The following PTPRM variants were observed in gnomAD, a reference collection of about 807,000 sequenced individuals.
The protein encoded by PTPRM is receptor-type tyrosine-protein phosphatase mu.
PTPRM carries 47 observed loss-of-function variants against 186.7 expected under a neutral mutation model. That is an observed-to-expected ratio of 0.25 (90% CI 0.20 to 0.32). The LOEUF (loss-of-function observed/expected upper bound fraction) is 0.32, where lower values mean the gene tolerates loss of function less well. Among genes scored for constraint, PTPRM ranks in the 10% least tolerant of loss-of-function variants. PTPRM has a pLI of 1.00. For missense variants in PTPRM, 1,494 were observed against 1,865.0 expected, an observed-to-expected ratio of 0.80 and a Z score of 3.66; for synonymous variants, 668 against 674.9, an observed-to-expected ratio of 0.99 and a Z score of 0.16.
intron 7 of PTPRM, among the ~76,000 whole-genome samples, chr18:8,055,736 G>C (rs114713216): frequency 0.022 from 3,343 of 152,180 alleles, 53 homozygotes; most frequent in African/African-American, 0.047. Flanking sequence ...GAAAGTAGGA[G>C]GCCTATATTT....
chr18:7,817,863 G>C (rs1197685161), intron 2 of PTPRM, among the ~76,000 whole-genome samples: 1 of 152,192 alleles, frequency 6.6e-6, no homozygotes, highest in Non-Finnish European at 1.5e-5. Context: ...TCCGCTTGGA[G>C]TAAGACTCCC....
rs535333343 is a variant in PTPRM, at chr18:8,287,086, G to A, written c.2755-9282G>A. On this transcript the variant is annotated intron_variant, in intron 19 of 32. Coordinates refer to ENST00000580170, the MANE Select transcript of PTPRM (RefSeq NM_001105244.2). ...AGCTCTCCAAGAAATACCAGGAAGG[G>A]ATGTTTGCTTTAAAAAAAAAAGAGA... Among the ~76,000 whole-genome samples the A allele has an allele frequency of 4.0e-5, 6 of 151,846 alleles. No homozygotes were observed. The South Asian group carries it at 1.0e-3, about 26-fold the overall frequency.
At chr18:7,952,494 T>C (rs188300033) in intron 6 of PTPRM, among the ~76,000 whole-genome samples, 3,266 of 151,306 alleles carry the variant, frequency 0.022, 46 homozygotes, top group African/African-American at 0.045. Flanking sequence ...GTCAGGAGAT[T>C]GAGACCATCC....
At chr18:8,362,058 G>T (rs1398854630) in intron 23 of PTPRM, among the ~76,000 whole-genome samples, 1 of 152,144 alleles carries the variant, frequency 6.6e-6, no homozygotes, top group Admixed American at 6.5e-5. Context: ...CCTGATATGT[G>T]CCTGTTATCC....
rs144169529 is a variant in PTPRM, at chr18:8,021,237, G to A, written c.1133-48449G>A. Among the ~76,000 whole-genome samples, 1,251 of 151,868 alleles carry A rather than the reference G, an allele frequency of 8.2e-3. 7 individuals carry two copies. Among genetic ancestry groups the A allele is most frequent in the South Asian group, 0.033 (160 of 4,788 alleles). ...TGACATGGCGGCTTCAAACAGTCCT[G>A]CAGGTGCTGTGGTATATTACTTAAG... On this transcript the variant is annotated intron_variant, in intron 7 of 32. Transcript: ENST00000580170.
At chr18:8,392,470 C>CA (rs948362766) in intron 31 of PTPRM, among the ~76,000 whole-genome samples, 27 of 151,832 alleles carry the variant, frequency 1.8e-4, no homozygotes, top group Middle Eastern at 3.4e-3. Flanking sequence ...TAAAAAAATA[C>CA]AAAAAAATTA....
At chr18:7,723,177 G>A (rs917853795) in intron 1 of PTPRM, among the ~76,000 whole-genome samples, 2 of 136,028 alleles carry the variant, frequency 1.5e-5, no homozygotes, top group Admixed American at 7.4e-5. Flanking sequence ...GCTTTTTCTT[G>A]GTGAAAGTCT....
At chr18:7,960,741 T>G (rs2053623333) in intron 7 of PTPRM, among the ~76,000 whole-genome samples, 2 of 151,762 alleles carry the variant, frequency 1.3e-5, no homozygotes, top group African/African-American at 4.8e-5. Context: ...ATCGACAGAG[T>G]AAAACCCTGT....
chr18:7,847,888 C>T (rs1432279347), intron 2 of PTPRM, among the ~76,000 whole-genome samples: 2 of 152,102 alleles, frequency 1.3e-5, no homozygotes, highest in African/African-American at 4.8e-5. Context: ...AGAGAGGCCC[C>T]CTCAAGGGAG....
In PTPRM at chr18:7,953,791, C is replaced by A. The variant is rs149965094; in HGVS notation, c.839-1330C>A. On this transcript the variant is annotated intron_variant, in intron 6 of 32. Coordinates refer to ENST00000580170, the MANE Select transcript of PTPRM (RefSeq NM_001105244.2). ...CTCTGAGGTCCTCTGCAGCAGGGAA[C>A]ATGGCTGTGATCGATTAGCTATGTC... Among the ~76,000 whole-genome samples the A allele has an allele frequency of 2.3e-3, 346 of 152,274 alleles. 7 individuals carry two copies. The highest frequency in any genetic ancestry group is 0.019 in the Admixed American group (287 of 15,288).
chr18:7,901,900 C>T (rs1333510734), intron 3 of PTPRM, among the ~76,000 whole-genome samples: 2 of 152,134 alleles, frequency 1.3e-5, no homozygotes, highest in Admixed American at 6.5e-5. Context: ...GATGAAGCAG[C>T]TAATAAAACT....
chr18:7,666,977 A>C (rs1241480352), intron 1 of PTPRM, among the ~76,000 whole-genome samples: 1 of 152,194 alleles, frequency 6.6e-6, no homozygotes, highest in Non-Finnish European at 1.5e-5. Flanking sequence ...TCAGGTGCAC[A>C]GTAATTGTTT....
chr18:8,246,637 A>G (rs2094479204), intron 15 of PTPRM, among the ~76,000 whole-genome samples: 1 of 151,994 alleles, frequency 6.6e-6, no homozygotes, highest in South Asian at 2.1e-4. Context: ...ATTGGTACTC[A>G]TTTTTTTCAT....
At chr18:7,868,868 C>T (rs79687216) in intron 2 of PTPRM, among the ~76,000 whole-genome samples, 13,218 of 152,244 alleles carry the variant, frequency 0.087, 782 homozygotes, top group African/African-American at 0.18. Flanking sequence ...TGCCTGGGAC[C>T]GCTGCCTTTC....
chr18:8,159,067 A>G (rs77208637), intron 14 of PTPRM, among the ~76,000 whole-genome samples: 3,446 of 152,262 alleles, frequency 0.023, 137 homozygotes, highest in African/African-American at 0.079. Flanking sequence ...TTTCTTTTTA[A>G]CAGGGAAATG....
At chr18:7,944,663 C>G (rs2052399231) in intron 5 of PTPRM, among the ~76,000 whole-genome samples, 1 of 152,166 alleles carries the variant, frequency 6.6e-6, no homozygotes, top group South Asian at 2.1e-4. Flanking sequence ...CCTATACTTT[C>G]CCTATAGTTT....
At position 8,255,045 on chromosome 18, in the gene PTPRM, G is replaced by A. The variant is rs79893843; in HGVS notation, c.2754+1631G>A. Among the ~76,000 whole-genome samples the A allele has an allele frequency of 9.8e-5, 15 of 152,370 alleles. 1 individual carries two copies. In the South Asian group the frequency reaches 1.7e-3, roughly 17 times the overall value. On this transcript the variant is annotated intron_variant, in intron 19 of 32. Coordinates refer to ENST00000580170, the MANE Select transcript of PTPRM (RefSeq NM_001105244.2). ...TTAGATTTATCTTTAGCAATTCAAT[G>A]TGTAAATTCAGTGAAATTGACTGCC...
intron 7 of PTPRM, among the ~76,000 whole-genome samples, chr18:8,000,126 T>C (rs2083779831): frequency 6.6e-6 from 1 of 152,216 alleles, no homozygotes; most frequent in South Asian, 2.1e-4. Flanking sequence ...CAATCTGCTT[T>C]GCTCAGTAAC....
At chr18:7,991,832 G>C (rs887314187) in intron 7 of PTPRM, among the ~76,000 whole-genome samples, 1 of 152,094 alleles carries the variant, frequency 6.6e-6, no homozygotes, top group Non-Finnish European at 1.5e-5. Context: ...ATGTGAGTAG[G>C]AAGCCGAAAA....
Sources: allele counts gnomAD v4.1 joint callset (sites outside exome capture counted in the v4.1 genomes callset), GRCh38; gene constraint gnomAD v4.1.1; transcripts MANE v1.5; gene names NCBI Gene and HGNC (gene_info 2026-07-23, HGNC 2026-07-21).